LY9: variants seen among roughly 807,000 people sequenced by gnomAD.
LY9 encodes the protein T-lymphocyte surface antigen Ly-9.
In LY9, 59 loss-of-function variants were observed where a neutral mutation model predicts 64.6. The observed-to-expected ratio is 0.91, with a 90% CI of 0.74 to 1.13. LY9 has a LOEUF of 1.13. Ranked by LOEUF, LY9 falls within the 50% of genes most tolerant of loss-of-function variation. The pLI is 0.00. For synonymous variants in LY9, 281 were observed against 308.5 expected, an observed-to-expected ratio of 0.91 and a Z score of 0.93; for missense variants, 789 against 797.2, an observed-to-expected ratio of 0.99 and a Z score of 0.12.
At chr1:160,805,357 C>T (rs1404108074) in intron 2 of LY9, among the ~76,000 whole-genome samples, 1 of 151,594 alleles carries the variant, frequency 6.6e-6, no homozygotes, top group Non-Finnish European at 1.5e-5. Flanking sequence ...CTTTGTTGAC[C>T]CAATGGTCAG....
At position 160,813,757 on chromosome 1, in the gene LY9, C is replaced by G; in HGVS notation, c.576C>G (p.Thr192=). 6.2e-7 allele frequency: 1 copy of G among 1,614,088 alleles called. No individual in the cohort carries two copies. The highest frequency in any genetic ancestry group is 8.5e-7 in the Non-Finnish European group (1 of 1,180,014). Residue 192 remains threonine, a synonymous_variant, in exon 3 of 10, where the codon ACC becomes ACG. Transcript: ENST00000263285. ...GAEKSVLYSW[T]PREPHASESN... The stretch of plus-strand genomic sequence containing the variant: ...AGAAAAGTGTTCTGTACAGCTGGAC[C>G]CCAAGGGAACCCCATGCTTCTGAGT...
In LY9 at chr1:160,823,646, T is replaced by C. The variant is rs756224254; in HGVS notation, c.1680T>C (p.Tyr560=). The change falls in exon 8 of 10, where the codon TAT becomes TAC. Residue 560 remains tyrosine, a synonymous_variant. Coordinates refer to ENST00000263285, the MANE Select transcript of LY9 (RefSeq NM_002348.4). ...PEVHKPISGR[Y]EVFDQVTQEG... The stretch of plus-strand genomic sequence containing the variant: ...TGCACAAGCCCATCAGTGGAAGATA[T>C]GAGGTATTTGACCAGGTCACTCAGG... 6 of 1,614,028 alleles carry C rather than the reference T, an allele frequency of 3.7e-6. No homozygotes were observed. The highest frequency in any genetic ancestry group is 1.1e-5 in the South Asian group (1 of 91,056).
chr1:160,827,754 C>A lies in LY9; in HGVS notation c.1906C>A (p.Pro636Thr). Residue 636 changes from proline to threonine, a missense_variant, in exon 10 of 10, where the codon CCA (proline) becomes ACA (threonine). Transcript: ENST00000263285. The part of the protein sequence containing the change: ...YCSIRKPQVV[P>T]PPQQNDLEIP... ...GTGGATTTTTGGCTCACAGGTGGTG[C>A]CACCACCACAACAGAATGATCTTGA... The A allele has an allele frequency of 6.2e-7, 1 of 1,605,634 alleles. No homozygotes were observed. The highest frequency in any genetic ancestry group is 8.5e-7 in the Non-Finnish European group (1 of 1,175,802).
chr1:160,818,000 C>T (rs1668090658), intron 5 of LY9, among the ~76,000 whole-genome samples: 1 of 152,178 alleles, frequency 6.6e-6, no homozygotes, highest in Admixed American at 6.5e-5. Flanking sequence ...AGCCGTAAAC[C>T]TCTCTACCCA....
At chr1:160,801,956 T>A in intron 2 of LY9, 2 of 1,607,504 alleles carry the variant, frequency 1.2e-6, no homozygotes, top group Non-Finnish European at 1.7e-6. Flanking sequence ...CGCTCCGCCA[T>A]CCCCACCTCA....
intron 2 of LY9, chr1:160,802,759 GT>G: frequency 5.0e-6 from 4 of 795,724 alleles, no homozygotes; most frequent in Non-Finnish European, 6.1e-6. Flanking sequence ...GTAAGTTTTT[GT>G]TGGATTTGTC....
chr1:160,807,022 C>A (rs183099018), intron 2 of LY9, among the ~76,000 whole-genome samples: 1 of 152,080 alleles, frequency 6.6e-6, no homozygotes, highest in African/African-American at 2.4e-5. Context: ...ATTGTTGAAG[C>A]TTTCAAGTAT....
rs774487691 is a variant in LY9, at chr1:160,813,822, G to A, written c.641G>A (p.Cys214Tyr). The A allele has an allele frequency of 4.3e-6, 7 of 1,614,068 alleles. No homozygotes were observed. In the African/African-American group the frequency reaches 8.0e-5, roughly 18 times the overall value. The part of the protein sequence containing the change: ...GSILTVSRTP[C>Y]DPDLPYICTA... ...ATTCTTACCGTCTCCCGAACACCAT[G>A]TGACCCAGACCTGCCATACATCTGC... The change falls in exon 3 of 10, where the codon TGT becomes TAT. Residue 214 changes from cysteine (C) to tyrosine (Y), a missense_variant. By Grantham distance (194) the Cys-to-Tyr change is radical (BLOSUM62 -2). Coordinates refer to ENST00000263285, the MANE Select transcript of LY9 (RefSeq NM_002348.4).
chr1:160,819,747 C>T (rs577452511), intron 7 of LY9, among the ~76,000 whole-genome samples: 3 of 146,290 alleles, frequency 2.1e-5, no homozygotes, highest in African/African-American at 5.1e-5. Flanking sequence ...GCCTAGATCA[C>T]GCCACTGCAC....
At chr1:160,824,621 T>G in intron 9 of LY9, 1 of 983,394 alleles carries the variant, frequency 1.0e-6, no homozygotes, top group Non-Finnish European at 1.2e-6. Context: ...TAGCTAACAA[T>G]TTAACAACAA....
chr1:160,805,774 C>CACAT (rs1231839987), intron 2 of LY9, among the ~76,000 whole-genome samples: 2 of 148,442 alleles, frequency 1.3e-5, no homozygotes, highest in Non-Finnish European at 3.0e-5. Flanking sequence ...CACACACACA[C>CACAT]ACACACACTC....
chr1:160,802,060 C>A (rs930356601), intron 2 of LY9: 2 of 1,403,574 alleles, frequency 1.4e-6, no homozygotes, highest in Non-Finnish European at 9.2e-7. Context: ...GGGCGTTAGG[C>A]GTGTCCCACC....
chr1:160,816,800 T>A lies in LY9; in HGVS notation c.1279T>A (p.Cys427Ser), dbSNP rs1156519147. The A allele has an allele frequency of 1.9e-6, 3 of 1,614,104 alleles. No homozygotes were observed. Residue 427 changes from cysteine (C) to serine (S), a missense_variant, in exon 5 of 10, where the codon TGC (cysteine) becomes AGC (serine). Coordinates refer to ENST00000263285, the MANE Select transcript of LY9 (RefSeq NM_002348.4). ...CAGTGAAAATCACCCCAACCTCACATGCACAGCCAGCAACCCTGTCAGCAG... is the reference window on the plus strand; with the variant it reads ...CAGTGAAAATCACCCCAACCTCACAAGCACAGCCAGCAACCCTGTCAGCAG... ...RSSENHPNLT[C>S]TASNPVSRSS...
rs142346924 is a variant in LY9, at chr1:160,823,946, T to G, written c.1830+150T>G. 1,120 of 775,940 alleles carry G rather than the reference T, an allele frequency of 1.4e-3. 12 individuals carry two copies. The African/African-American group carries it at 0.018, about 12-fold the overall frequency. 48.1% of individuals were successfully genotyped at this position (775,940 alleles called of 1,614,324 possible). ...AGGGACTCATGGCTGTGTCCATGTT[T>G]ACCAAACCTTGGGATCCTGTGGAAC... is the stretch of plus-strand genomic sequence containing the variant. On this transcript the variant is annotated intron_variant, in intron 8 of 9. Coordinates refer to ENST00000263285, the MANE Select transcript of LY9 (RefSeq NM_002348.4).
At chr1:160,802,686 G>A in intron 2 of LY9, 2 of 977,492 alleles carry the variant, frequency 2.0e-6, no homozygotes, top group Non-Finnish European at 2.4e-6. Flanking sequence ...ACTGCACATG[G>A]TCTCTAAAAA....
At chr1:160,803,518 A>G (rs1352878562) in intron 2 of LY9, among the ~76,000 whole-genome samples, 1 of 152,086 alleles carries the variant, frequency 6.6e-6, no homozygotes, top group African/African-American at 2.4e-5. Context: ...CTCCTTGGTT[A>G]TACTTGTTCC....
chr1:160,813,796 C>T lies in LY9; in HGVS notation c.615C>T (p.Ser205=). The T allele has an allele frequency of 6.2e-7, 1 of 1,614,192 alleles. No individual in the cohort carries two copies. The highest frequency in any genetic ancestry group is 1.1e-5 in the South Asian group (1 of 91,086). The stretch of plus-strand genomic sequence containing the variant: ...ATGCTTCTGAGTCCAATGGAGGCTC[C>T]ATTCTTACCGTCTCCCGAACACCAT... ...EPHASESNGG[S]ILTVSRTPCD... The change falls in exon 3 of 10, where the codon TCC becomes TCT. Residue 205 remains serine (S), a synonymous_variant. Coordinates refer to ENST00000263285, the MANE Select transcript of LY9 (RefSeq NM_002348.4).
intron 1 of LY9, chr1:160,797,126 A>G (rs1282657807): frequency 5.1e-6 from 5 of 985,440 alleles, no homozygotes; most frequent in Non-Finnish European, 6.0e-6. Context: ...CTCCTGGGAA[A>G]CATCTCTCCG....
chr1:160,813,752 T>G lies in LY9; in HGVS notation c.571T>G (p.Trp191Gly), dbSNP rs1305549580. ...GGCAGAGAAAAGTGTTCTGTACAGC[T>G]GGACCCCAAGGGAACCCCATGCTTC... ...KGAEKSVLYS[W>G]TPREPHASES... Residue 191 changes from tryptophan to glycine, a missense_variant, in exon 3 of 10, where the codon TGG becomes GGG. Physicochemically the swap from Trp to Gly is radical, Grantham distance 184. Coordinates refer to ENST00000263285, the MANE Select transcript of LY9 (RefSeq NM_002348.4). 1 of 1,614,220 alleles carries G rather than the reference T, an allele frequency of 6.2e-7. No individual in the cohort carries two copies. Among genetic ancestry groups the G allele is most frequent in the Non-Finnish European group, 8.5e-7 (1 of 1,180,038 alleles).
Sources: allele counts gnomAD v4.1 joint callset (sites outside exome capture counted in the v4.1 genomes callset), GRCh38; gene constraint gnomAD v4.1.1; transcripts MANE v1.5; gene names NCBI Gene and HGNC (gene_info 2026-07-23, HGNC 2026-07-21).